The following WDR87 variants were observed in gnomAD, a reference collection of about 807,000 sequenced individuals.
The protein encoded by WDR87 is WD repeat-containing protein 87.
Under a neutral mutation model 83.3 loss-of-function variants are expected in WDR87, and 56 were observed. The observed-to-expected ratio is 0.67, with a 90% confidence interval of 0.54 to 0.84. The LOEUF (loss-of-function observed/expected upper bound fraction) is 0.84, where lower values mean the gene tolerates loss of function less well. WDR87 is among the 40% of genes least tolerant of loss of function. The probability of loss-of-function intolerance (pLI) is 0.00; values close to 1 mark genes in which losing one functional copy is unlikely to be tolerated. For missense variants in WDR87, 2,939 were observed against 3,431.9 expected, an observed-to-expected ratio of 0.86 and a Z score of 3.59; for synonymous variants, 1,173 against 1,250.6, an observed-to-expected ratio of 0.94 and a Z score of 1.31.
intron 1 of WDR87, among the ~76,000 whole-genome samples, chr19:37,901,647 G>T (rs1266626991): frequency 6.6e-6 from 1 of 152,002 alleles, no homozygotes; most frequent in Non-Finnish European, 1.5e-5. Context: ...CTATTTGGGG[G>T]AATATTTCTA....
Position 37,894,185 on chromosome 19 carries a change from T to C in WDR87, c.1518A>G (p.Val506=). ...RLEKFMHFGA[V]LALSTLSGGI... ...CTCCAGACAGCGTGGAGAGTGCCAGTACAGCGCCAAAGTGCATGAATTTTT... is the reference window on the plus strand; with the variant it reads ...CTCCAGACAGCGTGGAGAGTGCCAGCACAGCGCCAAAGTGCATGAATTTTT... Residue 506 remains valine (V), a synonymous_variant, in exon 4 of 6, where the codon GTA becomes GTG. Transcript: ENST00000447313. 5 of 1,552,262 alleles carry C rather than the reference T, an allele frequency of 3.2e-6. No homozygotes were observed. In the South Asian group the frequency reaches 4.8e-5, roughly 15 times the overall value.
Position 37,903,649 on chromosome 19 carries a change from C to T in WDR87, c.-47+2850G>A, listed in dbSNP as rs535738021. Among the ~76,000 whole-genome samples, 23 of 152,200 alleles carry T rather than the reference C, an allele frequency of 1.5e-4. 1 individual carries two copies. The highest frequency in any genetic ancestry group is 1.2e-3 in the Admixed American group (19 of 15,284). ...GGCTCAAGTGATCCTTCTGCCTTAG[C>T]CTCCTGAGTAGTTGGGACTACAGGC... On this transcript the variant is annotated intron_variant, in intron 1 of 5. Transcript: ENST00000447313.
At chr19:37,895,527 G>A (rs2046247691) in intron 3 of WDR87, 71 bp from the exon 4 acceptor site, 1 of 1,415,036 alleles carries the variant, frequency 7.1e-7, no homozygotes, top group Non-Finnish European at 9.5e-7. Context: ...CAGCACTTTG[G>A]GAGGCCGAGG....
chr19:37,885,720 T>A lies in WDR87; in HGVS notation c.7951A>T (p.Ser2651Cys). 6.4e-7 allele frequency: 1 copy of A among 1,551,772 alleles called. No homozygotes were observed. Among genetic ancestry groups the A allele is most frequent in the South Asian group, 1.2e-5 (1 of 84,066 alleles). The change falls in exon 6 of 6, where the codon AGC (serine) becomes TGC (cysteine). Residue 2651 changes from serine (S) to cysteine (C), a missense_variant. Ser to Cys is a moderately radical substitution (Grantham distance 112). Around this residue, in one of 3 missense-constraint regions of WDR87, gnomAD observed 2,160 missense variants for 2,533.1 expected, o/e 0.85. Coordinates refer to ENST00000447313, the MANE Select transcript of WDR87 (RefSeq NM_001291088.2). Reference protein sequence around the residue: ...IPPIKAKEKESWPKPLAVPTQ... With the variant: ...IPPIKAKEKECWPKPLAVPTQ... ...GGGACAGCCAAAGGTTTTGGCCAGCTCTCCTTTTCCTTTGCTTTTATAGGA... is the reference window on the plus strand; with the variant it reads ...GGGACAGCCAAAGGTTTTGGCCAGCACTCCTTTTCCTTTGCTTTTATAGGA...
Position 37,898,434 on chromosome 19 carries a change from C to T in WDR87, c.-46-149G>A, listed in dbSNP as rs75119667. 2,430 of 1,064,722 alleles carry T rather than the reference C, an allele frequency of 2.3e-3. 42 individuals carry two copies. The African/African-American group carries it at 0.035, about 15-fold the overall frequency. 66.0% of individuals were successfully genotyped at this position (1,064,722 alleles called of 1,614,324 possible). A position where few individuals can be genotyped will look rare whatever the true frequency, so the allele number is the denominator to read the frequency against. On this transcript the variant is annotated intron_variant, in intron 1 of 5. Transcript: ENST00000447313. ...GACATACCTTCTCATTTCATCCACT[C>T]TACAGCCCAGTAAGGTAGGCATTAT...
rs761127289 is a variant in WDR87 at position 37,894,520 on chromosome 19, C to A, written c.1183G>T (p.Val395Leu). ...EDGLLRFVSP[V>L]TGDLLVITWP... is the part of the protein sequence containing the mutation. Reference sequence around the variant, plus strand: ...GTGATAACCAGAAGGTCCCCTGTTACTGGGGACACAAAGCGCAACAAGCCA... The same window carrying A: ...GTGATAACCAGAAGGTCCCCTGTTAATGGGGACACAAAGCGCAACAAGCCA... The change falls in exon 4 of 6, where the codon GTA (valine) becomes TTA (leucine). Residue 395 changes from valine (V) to leucine (L), a missense_variant. Physicochemically the swap from Val to Leu is conservative, Grantham distance 32 (BLOSUM62 1). Around this residue, in one of 3 missense-constraint regions of WDR87, gnomAD observed 553 missense variants for 577.9 expected, o/e 0.96. Coordinates refer to ENST00000447313, the MANE Select transcript of WDR87 (RefSeq NM_001291088.2). The A allele has an allele frequency of 1.9e-6, 3 of 1,551,704 alleles. No homozygotes were observed. Among genetic ancestry groups the A allele is most frequent in the Non-Finnish European group, 1.7e-6 (2 of 1,146,984 alleles).
At chr19:37,898,089 C>A in intron 2 of WDR87, 76 bp downstream of exon 2, 1 of 1,507,042 alleles carries the variant, frequency 6.6e-7, no homozygotes, top group South Asian at 1.2e-5. Flanking sequence ...CAATCTGTGG[C>A]TCTTCTGAAA....
chr19:37,893,706 T>C lies in WDR87; in HGVS notation c.1997A>G (p.Asn666Ser). The C allele has an allele frequency of 6.4e-7, 1 of 1,551,690 alleles. No homozygotes were observed. The highest frequency in any genetic ancestry group is 1.2e-5 in the South Asian group (1 of 84,058). The change falls in exon 4 of 6, where the codon AAC (asparagine) becomes AGC (serine). Residue 666 changes from asparagine (N) to serine (S), a missense_variant. By Grantham distance (46) the Asn-to-Ser change is conservative (BLOSUM62 1). Coordinates refer to ENST00000447313, the MANE Select transcript of WDR87 (RefSeq NM_001291088.2). ...ACAGGACACTAGGTAAAGACTCTGG[T>C]TAAAAGTCACAAGCAGGTCACCCCG... ...NDRGDLLVTF[N>S]QSLYLVSCLK...
chr19:37,903,879 C>T (rs574591350), intron 1 of WDR87, among the ~76,000 whole-genome samples: 7 of 152,064 alleles, frequency 4.6e-5, no homozygotes, highest in African/African-American at 1.7e-4. Flanking sequence ...AGCTATTATC[C>T]TCCCTGTAAT....
rs190904396 is a variant in WDR87, at chr19:37,904,525, A to T, written c.-47+1974T>A. 3.3e-5 allele frequency among the ~76,000 whole-genome samples: 5 copies of T among 151,882 alleles called. 1 individual carries two copies. Among genetic ancestry groups the T allele is most frequent in the Admixed American group, 1.3e-4 (2 of 15,246 alleles). On this transcript the variant is annotated intron_variant, in intron 1 of 5. Coordinates refer to ENST00000447313, the MANE Select transcript of WDR87 (RefSeq NM_001291088.2). ...AGGCGTGCGCCACCACACCCAGCGA[A>T]TTTTTTGTATTTTTAGCAGAGATGT...
chr19:37,904,846 G>A (rs552119731), intron 1 of WDR87, among the ~76,000 whole-genome samples: 1 of 152,268 alleles, frequency 6.6e-6, no homozygotes, highest in Admixed American at 6.5e-5. Flanking sequence ...ACATTCGGTA[G>A]TTTCCAACCT....
At chr19:37,890,615 G>A (rs1201675124) in intron 5 of WDR87, among the ~76,000 whole-genome samples, 2 of 151,988 alleles carry the variant, frequency 1.3e-5, no homozygotes, top group African/African-American at 4.8e-5. Context: ...TTTGAAAAAT[G>A]TATACACTTT....
Position 37,893,251 on chromosome 19 carries a change from A to G in WDR87, c.2452T>C (p.Phe818Leu). 1.3e-6 allele frequency: 2 copies of G among 1,551,866 alleles called. No homozygotes were observed. Among genetic ancestry groups the G allele is most frequent in the Non-Finnish European group, 1.7e-6 (2 of 1,147,044 alleles). Residue 818 changes from phenylalanine to leucine, a missense_variant, in exon 4 of 6, where the codon TTT becomes CTT. Phe to Leu is a conservative substitution (Grantham distance 22). Coordinates refer to ENST00000447313, the MANE Select transcript of WDR87 (RefSeq NM_001291088.2). ...TTGGGGATATAGCAGTCAGGGGCAAAAAGCCATTCCCGCCCATGACCAAAG... is the reference window on the plus strand; with the variant it reads ...TTGGGGATATAGCAGTCAGGGGCAAGAAGCCATTCCCGCCCATGACCAAAG... The part of the protein sequence containing the change: ...YYFGHGREWL[F>L]APDCYIPNSV...
At chr19:37,904,195 C>A (rs2046309468) in intron 1 of WDR87, among the ~76,000 whole-genome samples, 1 of 152,162 alleles carries the variant, frequency 6.6e-6, no homozygotes, top group Admixed American at 6.5e-5. Context: ...AGCCACTGCG[C>A]CCGGCCATTA....
In WDR87 at chr19:37,897,684, G is replaced by A. The variant is rs560754074; in HGVS notation, c.75+481C>T. 6.6e-5 allele frequency among the ~76,000 whole-genome samples: 10 copies of A among 152,022 alleles called. No individual in the cohort carries two copies. In the East Asian group the frequency reaches 1.2e-3, roughly 18 times the overall value. On this transcript the variant is annotated intron_variant, in intron 2 of 5. Coordinates refer to ENST00000447313, the MANE Select transcript of WDR87 (RefSeq NM_001291088.2). ...AGATTACTTGAGCTCAGGAGTTCAC[G>A]ACCAGCTTGGGCAACATGGTGAAAC...
Position 37,905,389 on chromosome 19 carries a change from C to T in WDR87, c.-47+1110G>A, listed in dbSNP as rs932889701. Among the ~76,000 whole-genome samples, 6 of 151,416 alleles carry T rather than the reference C, an allele frequency of 4.0e-5. No homozygotes were observed. In the South Asian group the frequency reaches 6.3e-4, roughly 16 times the overall value. On this transcript the variant is annotated intron_variant, in intron 1 of 5. Coordinates refer to ENST00000447313, the MANE Select transcript of WDR87 (RefSeq NM_001291088.2). ...TCACGCCTATAATCCCAGCACTTTG[C>T]GAGGCTGAGGTAGGAACATGTCTTG...
Position 37,889,319 on chromosome 19 carries a change from T to G in WDR87, c.4352A>C (p.Lys1451Thr). Residue 1451 changes from lysine to threonine, a missense_variant, in exon 6 of 6, where the codon AAA (lysine) becomes ACA (threonine). Transcript: ENST00000447313. ...CATTTCCCTCTTTATTTTTCCTACT[T>G]TTCTTTCCTTCTGGACAGCTTTCCT... ...QGRKAVQKER[K>T]VGKIKREMTK... 6.4e-7 allele frequency: 1 copy of G among 1,551,968 alleles called. No homozygotes were observed. Among genetic ancestry groups the G allele is most frequent in the Non-Finnish European group, 8.7e-7 (1 of 1,147,066 alleles).
In WDR87 at chr19:37,889,282, C is replaced by G. The variant is rs2046181564; in HGVS notation, c.4389G>C (p.Glu1463Asp). 3.9e-6 allele frequency: 6 copies of G among 1,551,802 alleles called. No homozygotes were observed. Among genetic ancestry groups the G allele is most frequent in the African/African-American group, 1.4e-5 (1 of 73,044 alleles). The change falls in exon 6 of 6, where the codon GAG (glutamate) becomes GAC (aspartate). Residue 1463 changes from glutamate to aspartate, a missense_variant. Glu to Asp is a conservative substitution (Grantham distance 45). Around this residue, in one of 3 missense-constraint regions of WDR87, gnomAD observed 2,160 missense variants for 2,533.1 expected, o/e 0.85. Transcript: ENST00000447313. ...GKIKREMTKE[E>D]RDMSEEVEEM... ...CCTCCACTTCCTCACTCATATCCCT[C>G]TCTTCTTTGGTCATTTCCCTCTTTA...
intron 1 of WDR87, among the ~76,000 whole-genome samples, chr19:37,898,517 A>G (rs1388934266): frequency 6.6e-6 from 1 of 152,200 alleles, no homozygotes; most frequent in Non-Finnish European, 1.5e-5. Context: ...AGTGAATCTT[A>G]GCGTGTTCCT....
Sources: gnomAD v4.1 joint callset for allele counts (sites outside exome capture counted in the v4.1 genomes callset) on GRCh38, gnomAD v4.1.1 for gene constraint, gnomAD v4.1.1 regional missense constraint, MANE v1.5 for transcripts, NCBI Gene and HGNC (gene_info 2026-07-23, HGNC 2026-07-21) for gene names.